RRP12: variants seen among roughly 807,000 people sequenced by gnomAD.
RRP12 encodes RRP12-like protein.
RRP12 carries 78 observed loss-of-function variants against 157.3 expected under a neutral mutation model. That is an observed-to-expected ratio of 0.50 (90% CI 0.41 to 0.60). RRP12 has a LOEUF of 0.60. Among genes scored for constraint, RRP12 ranks in the 20% least tolerant of loss-of-function variants. The pLI is 0.00. For synonymous variants in RRP12, 726 were observed against 670.9 expected (o/e 1.08, Z -1.27); for missense variants, 1,521 against 1,679.9 (o/e 0.91, Z 1.65).
upstream of RRP12, chr10:97,401,343 C>T: frequency 1.5e-6 from 2 of 1,362,316 alleles, no homozygotes; most frequent in Non-Finnish European, 2.0e-6. Context: ...CTTCTTCTGG[C>T]GTCACTTCCG....
intron 27 of RRP12, 36 bp downstream of exon 27, chr10:97,366,706 G>C (rs1244455669): frequency 1.2e-6 from 2 of 1,603,486 alleles, no homozygotes; most frequent in African/African-American, 1.3e-5. Context: ...TTGGGTTGGG[G>C]GGACACCGGG....
intron 2 of RRP12, among the ~76,000 whole-genome samples, chr10:97,399,021 C>G (rs1845062571): frequency 6.6e-6 from 1 of 152,142 alleles, no homozygotes; most frequent in South Asian, 2.1e-4. Context: ...CACCTGTAAT[C>G]CCAGCACTTT....
chr10:97,394,581 G>C (rs1844902055), intron 3 of RRP12, among the ~76,000 whole-genome samples: 1 of 151,974 alleles, frequency 6.6e-6, no homozygotes, highest in African/African-American at 2.4e-5. Context: ...GTAGAGACAG[G>C]GTCCCACTAT....
Position 97,373,011 on chromosome 10 carries a change from CCCT to C in RRP12, c.2181+32_2181+34del, listed in dbSNP as rs763032160. The C allele has an allele frequency of 1.9e-6, 3 of 1,580,694 alleles. No individual in the cohort carries two copies. The South Asian group carries it at 3.4e-5, about 18-fold the overall frequency. ...TCTGACCCTGCCCACCTGAGAGCTCCCCTCCTCCCTCCTTCCCTCCCTTCCGTG... is the reference window on the plus strand; with the variant it reads ...TCTGACCCTGCCCACCTGAGAGCTCCCCTCCCTCCTTCCCTCCCTTCCGTG... On this transcript the variant is annotated intron_variant, in intron 18 of 33. Coordinates refer to ENST00000370992, the MANE Select transcript of RRP12 (RefSeq NM_015179.4).
intron 14 of RRP12, 83 bp from the exon 15 acceptor site, chr10:97,379,497 G>T (rs927185828): frequency 2.5e-6 from 4 of 1,597,354 alleles, no homozygotes; most frequent in African/African-American, 1.3e-5. Context: ...CCAGGACAGA[G>T]TAAGACCTCC....
rs1378307925 is a variant in RRP12 at position 97,401,251 on chromosome 10, G to C, written c.-20C>G. On this transcript the variant is annotated 5_prime_UTR_variant, in exon 1 of 34. Coordinates refer to ENST00000370992, the MANE Select transcript of RRP12 (RefSeq NM_015179.4). ...ACCCATGTTGACTAAGCCGTGGCGA[G>C]GAATGAGCTTAAATGACCGGCTTCC... 1.9e-6 allele frequency: 3 copies of C among 1,613,836 alleles called. No individual in the cohort carries two copies. The Admixed American group carries it at 5.0e-5, about 27-fold the overall frequency.
chr10:97,395,359 C>G (rs776898532), intron 3 of RRP12, among the ~76,000 whole-genome samples: 1 of 149,962 alleles, frequency 6.7e-6, no homozygotes, highest in Non-Finnish European at 1.5e-5. Context: ...CGAGACCAGC[C>G]GGGCCAACAT....
At position 97,357,074 on chromosome 10, in the gene RRP12, C is replaced by A. The variant is rs757226341; in HGVS notation, c.*20G>T. ...AAGGGCCTCAGACTGGACCACAGGG[C>A]AGCCCAGGGGCCCTGGGCCTCAGGG... On this transcript the variant is annotated 3_prime_UTR_variant, in exon 34 of 34. Transcript: ENST00000370992. The A allele has an allele frequency of 2.0e-6, 3 of 1,489,342 alleles. No individual in the cohort carries two copies. The African/African-American group carries it at 4.1e-5, about 21-fold the overall frequency. The allele number at this position is 1,489,342 out of a possible 1,614,324, so 92.3% of individuals were successfully genotyped here. A position where few individuals can be genotyped will look rare whatever the true frequency, so the allele number is the denominator to read the frequency against.
intron 15 of RRP12, among the ~76,000 whole-genome samples, chr10:97,374,784 A>C (rs1845237476): frequency 6.6e-6 from 1 of 151,796 alleles, no homozygotes. Context: ...AAAAAAAAAA[A>C]AAAAACCATA....
rs529614965 is a variant in RRP12, at chr10:97,385,192, C to A, written c.1182G>T (p.Met394Ile). ...LQPLLAWLKVMEKAHINLVRL... is the reference protein window; with the variant it reads ...LQPLLAWLKVIEKAHINLVRL... ...TCACCAGGTTGATGTGGGCTTTCTCCATGACCTTAAGCCAGGCTAGCAGGG... is the reference window on the plus strand; with the variant it reads ...TCACCAGGTTGATGTGGGCTTTCTCAATGACCTTAAGCCAGGCTAGCAGGG... The change falls in exon 10 of 34, where the codon ATG (methionine) becomes ATT (isoleucine). Residue 394 changes from methionine to isoleucine, a missense_variant. Physicochemically the swap from Met to Ile is conservative, Grantham distance 10. Coordinates refer to ENST00000370992, the MANE Select transcript of RRP12 (RefSeq NM_015179.4). The A allele has an allele frequency of 6.2e-7, 1 of 1,614,062 alleles. No homozygotes were observed. Among genetic ancestry groups the A allele is most frequent in the African/African-American group, 1.3e-5 (1 of 75,052 alleles).
chr10:97,360,396 G>C (rs1347653065), intron 31 of RRP12, 150 bp downstream of exon 31: 2 of 660,376 alleles, frequency 3.0e-6, no homozygotes, highest in East Asian at 5.3e-5. Flanking sequence ...GGCCCATCTT[G>C]AGTGTCATAT....
rs147398210 is a variant in RRP12, at chr10:97,386,913, C to T, written c.1018-920G>A. Among the ~76,000 whole-genome samples the T allele has an allele frequency of 2.5e-3, 377 of 152,184 alleles. 2 individuals carry two copies. In the Middle Eastern group the frequency reaches 0.065, roughly 26 times the overall value. On this transcript the variant is annotated intron_variant, in intron 8 of 33. Transcript: ENST00000370992. Reference sequence around the variant, plus strand: ...GCTGAGGCAGGAGAATGGCGTGAACCCGGAAGGCGGAGTTTGCAGTGAGCC... The same window carrying T: ...GCTGAGGCAGGAGAATGGCGTGAACTCGGAAGGCGGAGTTTGCAGTGAGCC...
chr10:97,371,132 T>C (rs1844141903), intron 20 of RRP12, 51 bp from the exon 21 acceptor site: 1 of 1,585,176 alleles, frequency 6.3e-7, no homozygotes, highest in Non-Finnish European at 8.6e-7. Context: ...CCCTGTCCAA[T>C]GCTATCCACG....
intron 23 of RRP12, 53 bp downstream of exon 23, chr10:97,370,402 C>T: frequency 7.2e-7 from 1 of 1,387,820 alleles, no homozygotes; most frequent in Non-Finnish European, 1.0e-6. Flanking sequence ...AGGGGTGCTT[C>T]CCCCCACCCA....
intron 30 of RRP12, 136 bp from the exon 31 acceptor site, chr10:97,360,754 A>C: frequency 1.4e-6 from 1 of 699,084 alleles, no homozygotes; most frequent in Middle Eastern, 3.0e-4. Context: ...TCACTTACAG[A>C]TGGGGAAACT....
chr10:97,356,927 A>C lies in RRP12; in HGVS notation c.*167T>G. The C allele has an allele frequency of 3.5e-6, 2 of 564,208 alleles. No homozygotes were observed. Among genetic ancestry groups the C allele is most frequent in the Non-Finnish European group, 6.3e-6 (2 of 318,954 alleles). The allele number at this position is 564,208 out of a possible 1,614,324, so 35.0% of individuals were successfully genotyped here. A position where few individuals can be genotyped will look rare whatever the true frequency, so the allele number is the denominator to read the frequency against. On this transcript the variant is annotated 3_prime_UTR_variant, in exon 34 of 34. Coordinates refer to ENST00000370992, the MANE Select transcript of RRP12 (RefSeq NM_015179.4). ...AGGGATGTCTCTGAAGGGTGATTCC[A>C]TTTGGAGTTTCCAAAATCCAGGACT... is the stretch of plus-strand genomic sequence containing the variant.
At chr10:97,362,105 C>CA (rs11293071) in intron 30 of RRP12, among the ~76,000 whole-genome samples, 1,393 of 94,934 alleles carry the variant, frequency 0.015, 21 homozygotes, top group African/African-American at 0.038. Flanking sequence ...GACTTCATCT[C>CA]AAAAAAAAAA....
At chr10:97,372,299 T>C (rs1844179479) in intron 19 of RRP12, 133 bp from the exon 20 acceptor site, 1 of 607,446 alleles carries the variant, frequency 1.6e-6, no homozygotes, top group Non-Finnish European at 2.9e-6. Context: ...AAGGAGCTCA[T>C]GAACAATAAT....
chr10:97,371,828 C>T, intron 20 of RRP12: 1 of 431,170 alleles, frequency 2.3e-6, no homozygotes, highest in Non-Finnish European at 4.3e-6. Flanking sequence ...AGGAGCATGG[C>T]CTTGGTTCTA....
Sources: gnomAD v4.1 joint callset for allele counts (sites outside exome capture counted in the v4.1 genomes callset) on GRCh38, gnomAD v4.1.1 for gene constraint, MANE v1.5 for transcripts, NCBI Gene and HGNC (gene_info 2026-07-23, HGNC 2026-07-21) for gene names.